The following GPM6A variants were observed in gnomAD, a reference collection of about 807,000 sequenced individuals.
GPM6A encodes the protein neuronal membrane glycoprotein M6-a.
GPM6A carries 7 observed loss-of-function variants against 32.1 expected under a neutral mutation model. The observed-to-expected ratio is 0.22, with a 90% CI of 0.12 to 0.41. The LOEUF (loss-of-function observed/expected upper bound fraction) is 0.41, where lower values mean the gene tolerates loss of function less well. GPM6A is among the 10% of genes least tolerant of loss of function. The pLI is 1.00. For synonymous variants in GPM6A, 130 were observed against 123.4 expected (o/e 1.05, Z -0.35); for missense variants, 235 against 347.2 (o/e 0.68, Z 2.57).
At chr4:175,733,242 G>T (rs1731509264) in intron 1 of GPM6A, among the ~76,000 whole-genome samples, 1 of 152,104 alleles carries the variant, frequency 6.6e-6, no homozygotes, top group Non-Finnish European at 1.5e-5. Context: ...AGTGGCTCAC[G>T]CCTGTAATCC....
At chr4:175,849,141 T>C (rs548867296) in intron 1 of GPM6A, among the ~76,000 whole-genome samples, 1 of 152,314 alleles carries the variant, frequency 6.6e-6, no homozygotes, top group Non-Finnish European at 1.5e-5. Flanking sequence ...GTATGTTTCC[T>C]ATCCAAAGGT....
At chr4:175,925,855 T>C (rs1424362293) in intron 1 of GPM6A, among the ~76,000 whole-genome samples, 5 of 150,998 alleles carry the variant, frequency 3.3e-5, no homozygotes, top group Non-Finnish European at 5.9e-5. Flanking sequence ...CTTTTCTTTT[T>C]TTTTTTTTTT....
intron 1 of GPM6A, among the ~76,000 whole-genome samples, chr4:175,849,935 G>A (rs1579565589): frequency 6.6e-6 from 1 of 152,128 alleles, no homozygotes; most frequent in East Asian, 1.9e-4. Context: ...GGAGTATTCT[G>A]GGAGAGAGAC....
At chr4:175,961,693 T>C (rs1418952953) in intron 1 of GPM6A, among the ~76,000 whole-genome samples, 1 of 152,114 alleles carries the variant, frequency 6.6e-6, no homozygotes, top group Admixed American at 6.6e-5. Flanking sequence ...TAGCTTCCAA[T>C]GTGTGAGTGG....
chr4:175,986,441 C>T (rs552761639), intron 1 of GPM6A, among the ~76,000 whole-genome samples: 5 of 152,044 alleles, frequency 3.3e-5, no homozygotes, highest in South Asian at 2.1e-4. Flanking sequence ...GAGGCTGAGG[C>T]GGAAGGATTG....
chr4:175,734,299 A>G (rs934243222), intron 1 of GPM6A, among the ~76,000 whole-genome samples: 1 of 152,054 alleles, frequency 6.6e-6, no homozygotes, highest in Non-Finnish European at 1.5e-5. Context: ...CACCCAAAAG[A>G]CCCTCAATTA....
chr4:176,000,558 G>T (rs575215541), intron 1 of GPM6A, among the ~76,000 whole-genome samples: 18 of 152,312 alleles, frequency 1.2e-4, no homozygotes, highest in African/African-American at 4.3e-4. Context: ...CGAGCTTGAG[G>T]TTACAAGGGT....
At chr4:175,637,660 TATATAATA>T (rs1740831199) in intron 6 of GPM6A, among the ~76,000 whole-genome samples, 1 of 798 alleles carries the variant, frequency 1.3e-3, no homozygotes, top group South Asian at 0.042. Context: ...AAATATAAAA[TATATAATA>T]TATATAATAT....
Position 175,877,955 on chromosome 4 carries a change from C to G in GPM6A, c.-22-65706G>C, listed in dbSNP as rs528927372. 1.3e-4 allele frequency among the ~76,000 whole-genome samples: 20 copies of G among 152,320 alleles called. 1 individual carries two copies. In the South Asian group the frequency reaches 3.7e-3, roughly 28 times the overall value. ...GGGTAAAGGCACTGGTAAAAACACTCACTCGAAATGGGAGAAATTGGCCAA... is the reference window on the plus strand; with the variant it reads ...GGGTAAAGGCACTGGTAAAAACACTGACTCGAAATGGGAGAAATTGGCCAA... On this transcript the variant is annotated intron_variant, in intron 1 of 7. Coordinates refer to the GPM6A transcript ENST00000280187.
intron 1 of GPM6A, among the ~76,000 whole-genome samples, chr4:175,751,369 C>A (rs1251434758): frequency 6.6e-6 from 1 of 152,036 alleles, no homozygotes; most frequent in African/African-American, 2.4e-5. Context: ...CTCCTTAATA[C>A]CTAGAATGGC....
chr4:175,697,027 G>A (rs886742503), intron 2 of GPM6A, among the ~76,000 whole-genome samples: 6 of 152,072 alleles, frequency 3.9e-5, no homozygotes, highest in Admixed American at 3.9e-4. Flanking sequence ...CTCAGTTTTT[G>A]ATGTGTTAAC....
In GPM6A at chr4:175,794,244, C is replaced by T. The variant is rs189461826; in HGVS notation, c.37+17947G>A. Among the ~76,000 whole-genome samples, 990 of 148,554 alleles carry T rather than the reference C, an allele frequency of 6.7e-3. 7 individuals carry two copies. Among genetic ancestry groups the T allele is most frequent in the African/African-American group, 0.024 (908 of 38,136 alleles). On this transcript the variant is annotated intron_variant, in intron 1 of 6. Coordinates refer to ENST00000393658, the MANE Select transcript of GPM6A (RefSeq NM_201591.3). The stretch of plus-strand genomic sequence containing the variant: ...TTGTATAGTTATTGTGAGGATTATG[C>T]AAATTAATAAATATAATGCACTTGA...
chr4:175,943,457 C>T (rs578199189), intron 1 of GPM6A, among the ~76,000 whole-genome samples: 11 of 152,188 alleles, frequency 7.2e-5, no homozygotes, highest in Non-Finnish European at 1.2e-4. Flanking sequence ...TGTCTTGTGC[C>T]GGTTTTCAAA....
chr4:175,679,512 T>G (rs116922285), intron 2 of GPM6A, among the ~76,000 whole-genome samples: 1 of 152,264 alleles, frequency 6.6e-6, no homozygotes, highest in East Asian at 1.9e-4. Flanking sequence ...GCAAACATCT[T>G]GCTCCCGGTC....
intron 1 of GPM6A, among the ~76,000 whole-genome samples, chr4:175,918,347 G>A (rs1436308287): frequency 6.6e-6 from 1 of 152,120 alleles, no homozygotes; most frequent in Non-Finnish European, 1.5e-5. Context: ...AGCAGCTGTT[G>A]AGTTACATGT....
chr4:175,931,713 T>C (rs6845767), intron 1 of GPM6A, among the ~76,000 whole-genome samples: 3,637 of 136,190 alleles, frequency 0.027, 86 homozygotes, highest in African/African-American at 0.068. Context: ...CACACACATA[T>C]ATATATATAT....
chr4:175,912,618 G>A (rs1414832115), intron 1 of GPM6A, among the ~76,000 whole-genome samples: 1 of 152,140 alleles, frequency 6.6e-6, no homozygotes, highest in African/African-American at 2.4e-5. Context: ...TCACACCATT[G>A]CACTCTAGCC....
chr4:175,913,204 C>T (rs887048058), intron 1 of GPM6A, among the ~76,000 whole-genome samples: 1 of 152,136 alleles, frequency 6.6e-6, no homozygotes, highest in African/African-American at 2.4e-5. Flanking sequence ...TCTGAACCTT[C>T]AAGACAAGTG....
chr4:175,639,717 TG>T (rs956620798), intron 6 of GPM6A, among the ~76,000 whole-genome samples: 10 of 152,262 alleles, frequency 6.6e-5, no homozygotes, highest in African/African-American at 2.4e-4. Flanking sequence ...TACTGACATT[TG>T]TTTTTTTTAA....
Sources: gnomAD v4.1 joint callset for allele counts (sites outside exome capture counted in the v4.1 genomes callset) on GRCh38, gnomAD v4.1.1 for gene constraint, MANE v1.5 for transcripts, NCBI Gene and HGNC (gene_info 2026-07-23, HGNC 2026-07-21) for gene names.